HLA-DRB1: variants seen among roughly 807,000 people sequenced by gnomAD.
The protein encoded by HLA-DRB1 is major histocompatibility complex, class II, DR beta 1.
A neutral mutation model predicts 27.9 loss-of-function variants in HLA-DRB1; 10 were observed. The ratio of observed to expected loss-of-function variants is 0.36; its 90% confidence interval spans 0.22 to 0.61. The LOEUF is 0.61. HLA-DRB1 is among the 20% of genes least tolerant of loss of function. The probability of loss-of-function intolerance (pLI) is 0.73; values close to 1 mark genes in which losing one functional copy is unlikely to be tolerated. For missense variants in HLA-DRB1, 118 were observed against 306.3 expected (o/e 0.39, Z 4.59); for synonymous variants, 57 against 126.7 (o/e 0.45, Z 3.69).
At chr6:32,588,432 T>C (rs1776834303) in intron 1 of HLA-DRB1, among the ~76,000 whole-genome samples, 1 of 109,250 alleles carries the variant, frequency 9.2e-6, no homozygotes. Flanking sequence ...ATAGACTGGG[T>C]GACAGAGCCA....
At chr6:32,580,367 C>A (rs200239201) in intron 4 of HLA-DRB1, 97 bp from the exon 5 acceptor site, 1 of 230,144 alleles carries the variant, frequency 4.3e-6, no homozygotes, top group Non-Finnish European at 7.3e-6. Flanking sequence ...CCTGAGATTT[C>A]TCTAACACCA....
At chr6:32,588,766 T>A (rs1427398632) in intron 1 of HLA-DRB1, among the ~76,000 whole-genome samples, 7 of 68,250 alleles carry the variant, frequency 1.0e-4, no homozygotes, top group Non-Finnish European at 1.2e-4. Context: ...ATTAAATTTC[T>A]GATAGTTGAT....
intron 1 of HLA-DRB1, among the ~76,000 whole-genome samples, chr6:32,585,325 A>AAG (rs1776241271): frequency 1.5e-5 from 1 of 64,632 alleles, no homozygotes; most frequent in Non-Finnish European, 3.1e-5. Flanking sequence ...ATGATGGTCA[A>AAG]ACTCTCAAAC....
intron 1 of HLA-DRB1, among the ~76,000 whole-genome samples, chr6:32,588,331 G>C (rs34762546): frequency 0.16 from 18,614 of 119,066 alleles, 1,744 homozygotes; most frequent in East Asian, 0.2. Context: ...TTGCCTGCCT[G>C]TATTCCCAGC....
At chr6:32,582,067 T>G (rs9269824) in intron 2 of HLA-DRB1, among the ~76,000 whole-genome samples, 61,327 of 95,298 alleles carry the variant, frequency 0.64, 22,341 homozygotes, top group Middle Eastern at 0.78. Flanking sequence ...TTCATAGTTT[T>G]AAATCGGCAT....
At chr6:32,584,492 C>A (rs1346502352) in intron 1 of HLA-DRB1, 114 bp from the exon 2 acceptor site, 12 of 672,718 alleles carry the variant, frequency 1.8e-5, no homozygotes, top group African/African-American at 1.1e-4. Flanking sequence ...CTTAACCGGC[C>A]CCACCCGCAA....
rs1469092093 is a variant in HLA-DRB1, at chr6:32,584,015, TCTCACA to T, written c.370+88_370+93del. ...CTCTCTCTGTCTCTCTCTGTCTCTC[TCTCACA>T]CACACACACACACACACACACACAC... On this transcript the variant is annotated intron_variant, in intron 2 of 5. Coordinates refer to ENST00000360004, the Ensembl canonical transcript of HLA-DRB1. 51 of 267,906 alleles carry T rather than the reference TCTCACA, an allele frequency of 1.9e-4. 7 individuals carry two copies. The highest frequency in any genetic ancestry group is 3.3e-3 in the Middle Eastern group (2 of 614). 16.6% of individuals were successfully genotyped at this position (267,906 alleles called of 1,614,324 possible). A position where few individuals can be genotyped will look rare whatever the true frequency, so the allele number is the denominator to read the frequency against.
intron 4 of HLA-DRB1, 112 bp downstream of exon 4, chr6:32,580,634 A>G (rs3828823): frequency 7.7e-6 from 7 of 903,434 alleles, no homozygotes; most frequent in Admixed American, 2.9e-5. Flanking sequence ...CCGTTTGGGG[A>G]AAGAAAGGCT....
At chr6:32,588,909 C>A (rs28724215) in intron 1 of HLA-DRB1, among the ~76,000 whole-genome samples, 1 of 127,584 alleles carries the variant, frequency 7.8e-6, no homozygotes, top group African/African-American at 2.9e-5. Flanking sequence ...TCATAATGAA[C>A]ACGAACCTGG....
chr6:32,582,525 G>A (rs1328492937), intron 2 of HLA-DRB1, among the ~76,000 whole-genome samples: 1 of 98,070 alleles, frequency 1.0e-5, no homozygotes, highest in African/African-American at 4.1e-5. Flanking sequence ...CTACTCCCAT[G>A]CACTCACACC....
At chr6:32,588,353 C>T (rs17210258) in intron 1 of HLA-DRB1, among the ~76,000 whole-genome samples, 18,970 of 117,638 alleles carry the variant, frequency 0.16, 2,006 homozygotes, top group East Asian at 0.22. Context: ...ACTCTGGAGC[C>T]TGAGGAGGGA....
At chr6:32,589,436 G>GGAGGAAATAATTTGGGATC (rs1777031764) in intron 1 of HLA-DRB1, among the ~76,000 whole-genome samples, 2 of 64,334 alleles carry the variant, frequency 3.1e-5, no homozygotes, top group Admixed American at 2.0e-4. Context: ...AATGATTTGT[G>GGAGGAAATAATTTGGGATC]CAAAGGCCCC....
chr6:32,586,321 G>T (rs1266001073), intron 1 of HLA-DRB1, among the ~76,000 whole-genome samples: 177 of 89,752 alleles, frequency 2.0e-3, no homozygotes, highest in Non-Finnish European at 3.6e-3. Context: ...TCTTCAAATG[G>T]TCCAATCCAG....
At chr6:32,581,233 C>G (rs1430315061) in intron 3 of HLA-DRB1, among the ~76,000 whole-genome samples, 1 of 104,068 alleles carries the variant, frequency 9.6e-6, no homozygotes, top group East Asian at 2.6e-4. Flanking sequence ...AAAAATAACT[C>G]AGAGCAACAG....
intron 1 of HLA-DRB1, among the ~76,000 whole-genome samples, chr6:32,586,064 A>C (rs72850287): frequency 0.17 from 14,334 of 82,518 alleles, 1,302 homozygotes; most frequent in Non-Finnish European, 0.18. Context: ...TGTGTGAAAT[A>C]CTGGCTGTGT....
At chr6:32,582,932 A>T (rs28724025) in intron 2 of HLA-DRB1, among the ~76,000 whole-genome samples, 5,013 of 110,242 alleles carry the variant, frequency 0.045, no homozygotes, top group Admixed American at 0.081. Context: ...TTTCAGATGG[A>T]TTGTAGATCA....
At position 32,586,885 on chromosome 6, in the gene HLA-DRB1, C is replaced by G. The variant is rs111422912; in HGVS notation, c.101-2507G>C. On this transcript the variant is annotated intron_variant, in intron 1 of 5. Coordinates refer to ENST00000360004, the Ensembl canonical transcript of HLA-DRB1. The stretch of plus-strand genomic sequence containing the variant: ...AAGCTTGATTGTTCTACCCCCTTTA[C>G]AGTAATTCATTAACAAGCTAAGCAA... Among the ~76,000 whole-genome samples, 61 of 106,858 alleles carry G rather than the reference C, an allele frequency of 5.7e-4. No homozygotes were observed. The East Asian group carries it at 7.2e-3, about 13-fold the overall frequency. 70.1% of individuals were successfully genotyped at this position (106,858 alleles called of 152,430 possible).
At chr6:32,580,575 C>G (rs28732268) in intron 4 of HLA-DRB1, among the ~76,000 whole-genome samples, 171 bp downstream of exon 4, 25,128 of 111,918 alleles carry the variant, frequency 0.22, 5,293 homozygotes, top group Non-Finnish European at 0.26. Flanking sequence ...ATTATGCTTT[C>G]ACATAGTAAC....
chr6:32,584,725 C>CT (rs35253008), intron 1 of HLA-DRB1, among the ~76,000 whole-genome samples: 1 of 21,304 alleles, frequency 4.7e-5, no homozygotes. Context: ...CTCTCTGCTC[C>CT]TCTCATCCCA....
Sources: gnomAD v4.1 joint callset for allele counts (sites outside exome capture counted in the v4.1 genomes callset) on GRCh38, gnomAD v4.1.1 for gene constraint, MANE v1.5 for transcripts, NCBI Gene and HGNC (gene_info 2026-07-23, HGNC 2026-07-21) for gene names.